The following GSK3B variants were observed in gnomAD, a reference collection of about 807,000 sequenced individuals.
The protein encoded by GSK3B is glycogen synthase kinase-3 beta.
GSK3B carries 15 observed loss-of-function variants against 56.4 expected under a neutral mutation model. The ratio of observed to expected loss-of-function variants is 0.27; its 90% CI spans 0.18 to 0.41. GSK3B has a LOEUF of 0.41. Ranked by LOEUF, GSK3B falls within the 10% of genes least tolerant of loss-of-function variation. The probability of loss-of-function intolerance (pLI) is 1.00; values close to 1 mark genes in which losing one functional copy is unlikely to be tolerated. For missense variants in GSK3B, 300 were observed against 513.4 expected, an observed-to-expected ratio of 0.58 and a Z score of 4.02; for synonymous variants, 181 against 188.9, an observed-to-expected ratio of 0.96 and a Z score of 0.34.
intron 1 of GSK3B, among the ~76,000 whole-genome samples, chr3:120,058,319 A>G (rs1332934228): frequency 6.6e-6 from 1 of 152,188 alleles, no homozygotes; most frequent in Admixed American, 6.5e-5. Context: ...TAATCAATGT[A>G]AAACTTATTA....
At chr3:119,988,748 G>A (rs1387051105) in intron 2 of GSK3B, among the ~76,000 whole-genome samples, 4 of 152,118 alleles carry the variant, frequency 2.6e-5, no homozygotes, top group Non-Finnish European at 5.9e-5. Context: ...TGGCTAAAAC[G>A]GTTTTCTCTC....
chr3:119,859,182 T>TAA (rs1201815721), intron 9 of GSK3B, among the ~76,000 whole-genome samples: 80 of 73,986 alleles, frequency 1.1e-3, no homozygotes, highest in Non-Finnish European at 1.8e-3. Flanking sequence ...TATTTGTGTA[T>TAA]ATAAAAAAAA....
intron 4 of GSK3B, among the ~76,000 whole-genome samples, chr3:119,917,357 G>A (rs2056791672): frequency 6.6e-6 from 1 of 152,116 alleles, no homozygotes; most frequent in African/African-American, 2.4e-5. Flanking sequence ...AATGAAGCAA[G>A]ATGTAAACTG....
intron 1 of GSK3B, among the ~76,000 whole-genome samples, chr3:120,036,661 C>A (rs561526054): frequency 1.3e-5 from 2 of 151,720 alleles, no homozygotes. Context: ...GGCATGGTGG[C>A]GGGCACCTGA....
chr3:119,963,949 C>T (rs1194213620), intron 2 of GSK3B, among the ~76,000 whole-genome samples: 1 of 152,126 alleles, frequency 6.6e-6, no homozygotes, highest in Admixed American at 6.5e-5. Context: ...CTTCTTGACA[C>T]TGTTCTTGTC....
At chr3:119,864,531 A>C (rs1311125875) in intron 8 of GSK3B, among the ~76,000 whole-genome samples, 1 of 152,256 alleles carries the variant, frequency 6.6e-6, no homozygotes, top group Non-Finnish European at 1.5e-5. Flanking sequence ...ATCCCTCGAC[A>C]GGAAGAACAT....
At chr3:120,055,466 T>C (rs993114400) in intron 1 of GSK3B, among the ~76,000 whole-genome samples, 21 of 152,210 alleles carry the variant, frequency 1.4e-4, no homozygotes, top group African/African-American at 3.9e-4. Flanking sequence ...TATGTTTCTA[T>C]GTACATTTTA....
At chr3:119,989,518 G>C (rs575269270) in intron 2 of GSK3B, among the ~76,000 whole-genome samples, 2 of 151,664 alleles carry the variant, frequency 1.3e-5, no homozygotes, top group Admixed American at 6.6e-5. Context: ...ACAGGCAGGC[G>C]CCTGTAGTCC....
At chr3:119,886,070 T>C (rs1193250027) in intron 7 of GSK3B, among the ~76,000 whole-genome samples, 2 of 152,014 alleles carry the variant, frequency 1.3e-5, no homozygotes, top group Non-Finnish European at 2.9e-5. Flanking sequence ...AGTTTCTGCA[T>C]AGCAAAAACA....
intron 2 of GSK3B, among the ~76,000 whole-genome samples, chr3:119,952,308 T>C (rs2057165104): frequency 6.6e-6 from 1 of 151,442 alleles, no homozygotes; most frequent in African/African-American, 2.4e-5. Context: ...GCCAACATGG[T>C]GAAACCCCAT....
intron 10 of GSK3B, among the ~76,000 whole-genome samples, chr3:119,828,775 T>C (rs900847085): frequency 1.3e-5 from 2 of 152,138 alleles, no homozygotes; most frequent in Admixed American, 6.5e-5. Context: ...TGCCCTTATA[T>C]ACATTTAGCA....
rs10574860 is a variant in GSK3B at position 119,837,943 on chromosome 3, C to CATATAT, written c.1195+5306_1195+5311dup. Among the ~76,000 whole-genome samples the CATATAT allele has an allele frequency of 2.1e-3, 287 of 138,582 alleles. 2 individuals carry two copies. Among genetic ancestry groups the CATATAT allele is most frequent in the African/African-American group, 5.0e-3 (193 of 38,290 alleles). The allele number at this position is 138,582 out of a possible 152,430, so 90.9% of individuals were successfully genotyped here. A position where few individuals can be genotyped will look rare whatever the true frequency, so the allele number is the denominator to read the frequency against. On this transcript the variant is annotated intron_variant, in intron 10 of 10. Transcript: ENST00000264235. Reference sequence around the variant, plus strand: ...GAACATTTCCTACGTTGACCATTCACATATATATATATATATATATATATA... The same window carrying CATATAT: ...GAACATTTCCTACGTTGACCATTCACATATATATATATATATATATATATATATATA...
chr3:119,982,433 T>C (rs2057472613), intron 2 of GSK3B, among the ~76,000 whole-genome samples: 1 of 152,196 alleles, frequency 6.6e-6, no homozygotes. Flanking sequence ...AAGGAGAATG[T>C]TCAAACCCAT....
chr3:120,076,644 T>C (rs2058369159), intron 1 of GSK3B, among the ~76,000 whole-genome samples: 1 of 150,764 alleles, frequency 6.6e-6, no homozygotes, highest in South Asian at 2.1e-4. Flanking sequence ...TGAAACCCCG[T>C]CTCTACTAAA....
chr3:119,907,770 C>T (rs775924628), intron 6 of GSK3B, among the ~76,000 whole-genome samples: 12 of 152,118 alleles, frequency 7.9e-5, no homozygotes, highest in Non-Finnish European at 1.5e-4. Flanking sequence ...TAAAGTTAAA[C>T]GACTTGCCCA....
At chr3:119,856,960 G>A (rs1190618777) in intron 9 of GSK3B, among the ~76,000 whole-genome samples, 1 of 152,150 alleles carries the variant, frequency 6.6e-6, no homozygotes, top group East Asian at 1.9e-4. Flanking sequence ...TCACGCAAAT[G>A]TTTTGGTTTT....
intron 1 of GSK3B, among the ~76,000 whole-genome samples, chr3:120,081,248 C>T (rs1576316132): frequency 6.7e-6 from 1 of 149,846 alleles, no homozygotes; most frequent in Non-Finnish European, 1.5e-5. Flanking sequence ...CATTCCTTCA[C>T]ATTTAAGAAA....
At chr3:119,942,528 C>T (rs1010248225) in intron 3 of GSK3B, among the ~76,000 whole-genome samples, 8 of 151,976 alleles carry the variant, frequency 5.3e-5, no homozygotes, top group South Asian at 2.1e-4. Context: ...TCGATTCAAC[C>T]GCCACGGCCT....
At chr3:120,037,956 A>G (rs1559886443) in intron 1 of GSK3B, among the ~76,000 whole-genome samples, 1 of 152,216 alleles carries the variant, frequency 6.6e-6, no homozygotes, top group Non-Finnish European at 1.5e-5. Flanking sequence ...AAACATCTAA[A>G]GAAGTCTTTA....
Sources: gnomAD v4.1 joint callset for allele counts (sites outside exome capture counted in the v4.1 genomes callset) on GRCh38, gnomAD v4.1.1 for gene constraint, MANE v1.5 for transcripts, NCBI Gene and HGNC (gene_info 2026-07-23, HGNC 2026-07-21) for gene names.